DYSF: variants seen among roughly 807,000 people sequenced by gnomAD.
DYSF encodes dysferlin.
In DYSF, 212 loss-of-function variants were observed where a neutral mutation model predicts 274.9. That is an observed-to-expected ratio of 0.77 (90% confidence interval 0.69 to 0.86). DYSF has a LOEUF of 0.86. Ranked by LOEUF, DYSF falls within the 40% of genes least tolerant of loss-of-function variation. The pLI is 0.00. For missense variants in DYSF, 2,666 were observed against 2,783.2 expected, an observed-to-expected ratio of 0.96 and a Z score of 0.95; for synonymous variants, 1,091 against 1,078.7, an observed-to-expected ratio of 1.01 and a Z score of -0.22.
At chr2:71,618,036 GATGGTGTGTGT>G (rs2093950461) in intron 40 of DYSF, among the ~76,000 whole-genome samples, 2 of 102,422 alleles carry the variant, frequency 2.0e-5, no homozygotes, top group Admixed American at 1.1e-4. Flanking sequence ...GTGTGGTAGA[GATGGTGTGTGT>G]GTGTGTGTGT....
intron 36 of DYSF, among the ~76,000 whole-genome samples, chr2:71,607,832 G>A (rs2093673733): frequency 6.6e-6 from 1 of 152,150 alleles, no homozygotes; most frequent in Non-Finnish European, 1.5e-5. Flanking sequence ...TCCAGTTTTG[G>A]ACAAGTTCAG....
intron 2 of DYSF, 111 bp from the exon 3 acceptor site, chr2:71,481,768 G>T: frequency 1.3e-6 from 1 of 761,814 alleles, no homozygotes. Flanking sequence ...CTATCCACTA[G>T]AATCATTCAT....
chr2:71,496,147 A>T (rs149715132), intron 3 of DYSF, among the ~76,000 whole-genome samples: 1 of 152,048 alleles, frequency 6.6e-6, no homozygotes, highest in African/African-American at 2.4e-5. Context: ...TTCATATGAT[A>T]CTTTAACCCA....
At chr2:71,572,263 C>T (rs1243447389) in intron 29 of DYSF, among the ~76,000 whole-genome samples, 3 of 115,370 alleles carry the variant, frequency 2.6e-5, no homozygotes, top group Admixed American at 9.2e-5. Context: ...ACCCACAGAT[C>T]ACAACCAGCA....
intron 22 of DYSF, 22 bp downstream of exon 22, chr2:71,556,093 T>G: frequency 1.3e-6 from 2 of 1,538,294 alleles, no homozygotes; most frequent in African/African-American, 1.4e-5. Flanking sequence ...CTGGCGCCCC[T>G]GGTGCCCACC....
At position 71,513,350 on chromosome 2, in the gene DYSF, A is replaced by G; in HGVS notation, c.553+18A>G. ...CCCCACGGGTGAGACACGGGCCAGG[A>G]CTGTCCTGATCCCAGACCCTCCCTG... On this transcript the variant is annotated intron_variant, in intron 6 of 55. Transcript: ENST00000410020. 6.4e-7 allele frequency: 1 copy of G among 1,550,444 alleles called. No homozygotes were observed. The highest frequency in any genetic ancestry group is 8.7e-7 in the Non-Finnish European group (1 of 1,146,096).
chr2:71,644,204 A>G (rs1382552264), intron 42 of DYSF, 141 bp downstream of exon 42: 8 of 815,382 alleles, frequency 9.8e-6, no homozygotes, highest in Middle Eastern at 3.4e-4. Flanking sequence ...ATGCTGCTAG[A>G]CCAGCTGGGT....
chr2:71,474,402 C>A (rs563147974), intron 1 of DYSF, among the ~76,000 whole-genome samples: 4 of 152,366 alleles, frequency 2.6e-5, no homozygotes, highest in South Asian at 4.1e-4. Context: ...CCCCTTTCCT[C>A]ACCCAGCATA....
chr2:71,611,672 G>T, intron 38 of DYSF, 46 bp downstream of exon 38: 1 of 1,601,508 alleles, frequency 6.2e-7, no homozygotes, highest in East Asian at 2.3e-5. Flanking sequence ...CCTGGGGCTA[G>T]AAGTTCTACA....
At chr2:71,666,972 C>T (rs72904658) in intron 47 of DYSF, among the ~76,000 whole-genome samples, 6,658 of 152,196 alleles carry the variant, frequency 0.044, 508 homozygotes, top group African/African-American at 0.15. Context: ...CTTAAGTGAA[C>T]GAGAGCATAA....
intron 29 of DYSF, among the ~76,000 whole-genome samples, chr2:71,572,422 G>A (rs752181187): frequency 3.3e-5 from 5 of 152,162 alleles, no homozygotes; most frequent in Non-Finnish European, 5.9e-5. Flanking sequence ...ATTACAGAAG[G>A]TCACATGCAA....
rs886056280 is a variant in DYSF, at chr2:71,539,166, G to A, written c.1503G>A (p.Leu501=). The A allele has an allele frequency of 3.1e-6, 5 of 1,613,892 alleles. No individual in the cohort carries two copies. Among genetic ancestry groups the A allele is most frequent in the Non-Finnish European group, 4.2e-6 (5 of 1,180,018 alleles). ...TGCTCCCTTGCTCTAGGGACCGCCT[G>A]ACTCACAATGACATCGTGGCTACCA... ...MRIRIIDWDR[L]THNDIVATTY... Residue 501 remains leucine (L), a synonymous_variant, in exon 17 of 56, where the codon CTG becomes CTA. Coordinates refer to ENST00000410020, the MANE Select transcript of DYSF (RefSeq NM_001130987.2).
intron 1 of DYSF, among the ~76,000 whole-genome samples, chr2:71,455,609 C>T (rs2081027662): frequency 6.6e-6 from 1 of 152,178 alleles, no homozygotes; most frequent in Non-Finnish European, 1.5e-5. Flanking sequence ...GCTCTGGGCT[C>T]CTGGTGCACA....
chr2:71,513,442 G>T (rs2086314128), intron 6 of DYSF, 110 bp downstream of exon 6: 8 of 1,193,860 alleles, frequency 6.7e-6, no homozygotes, highest in Non-Finnish European at 9.5e-6. Flanking sequence ...GACTCCTCCT[G>T]CAGGACTTGG....
Position 71,570,686 on chromosome 2 carries a change from G to A in DYSF, c.3173G>A (p.Arg1058Gln), listed in dbSNP as rs372226487. 3.7e-5 allele frequency: 59 copies of A among 1,614,078 alleles called. No individual in the cohort carries two copies. Among genetic ancestry groups the A allele is most frequent in the Middle Eastern group, 1.7e-4 (1 of 6,058 alleles). ...AAGATGTACTACACACACCGACGGC[G>A]GCGCTGGGTGCGCCTGCGCAGGAGG... is the stretch of plus-strand genomic sequence containing the variant. ...AEKMYYTHRR[R>Q]RWVRLRRRDL... The change falls in exon 29 of 56, where the codon CGG (arginine) becomes CAG (glutamine). Residue 1058 changes from arginine (R) to glutamine (Q), a missense_variant. Arg to Gln is a conservative substitution (Grantham distance 43, BLOSUM62 1). Around this residue, in one of 3 missense-constraint regions of DYSF, gnomAD observed 1,460 missense variants for 1,502.1 expected, o/e 0.97. Transcript: ENST00000410020.
chr2:71,599,254 C>T (rs994301893), intron 33 of DYSF, among the ~76,000 whole-genome samples: 6 of 152,178 alleles, frequency 3.9e-5, no homozygotes, highest in Middle Eastern at 3.2e-3. Context: ...CCCACAGGAC[C>T]TCCTGTGGTG....
rs907221996 is a variant in DYSF at position 71,553,898 on chromosome 2, T to A, written c.2076T>A (p.Thr692=). The A allele has an allele frequency of 6.2e-7, 1 of 1,614,034 alleles. No homozygotes were observed. Among genetic ancestry groups the A allele is most frequent in the African/African-American group, 1.3e-5 (1 of 74,906 alleles). Residue 692 remains threonine, a synonymous_variant, in exon 21 of 56, where the codon ACT becomes ACA. Coordinates refer to ENST00000410020, the MANE Select transcript of DYSF (RefSeq NM_001130987.2). ...AGGACATCAGCCATAGAATCGAGAC[T>A]CAGAACCAGCTGCTTGGGATTGCTG... is the stretch of plus-strand genomic sequence containing the variant. ...YWEDISHRIE[T]QNQLLGIADR...
chr2:71,576,060 A>G (rs2092688583), intron 30 of DYSF, among the ~76,000 whole-genome samples: 1 of 152,180 alleles, frequency 6.6e-6, no homozygotes, highest in Non-Finnish European at 1.5e-5. Flanking sequence ...CTTCTCAGTA[A>G]TGTCAGTGAA....
chr2:71,626,742 G>A (rs1016150998), intron 41 of DYSF, among the ~76,000 whole-genome samples: 11 of 151,952 alleles, frequency 7.2e-5, no homozygotes, highest in South Asian at 2.1e-4. Flanking sequence ...TGTGTAAGCC[G>A]TAAGATTGGC....
Sources: allele counts gnomAD v4.1 joint callset (sites outside exome capture counted in the v4.1 genomes callset), GRCh38; gene constraint gnomAD v4.1.1; regional missense constraint gnomAD v4.1.1; transcripts MANE v1.5; gene names NCBI Gene and HGNC (gene_info 2026-07-23, HGNC 2026-07-21).